SLC13A1: variants seen among roughly 807,000 people sequenced by gnomAD.
The protein encoded by SLC13A1 is Na(+)/sulfate cotransporter.
In SLC13A1, 65 loss-of-function variants were observed where a neutral mutation model predicts 70.0. The ratio of observed to expected loss-of-function variants is 0.93; its 90% CI spans 0.76 to 1.14. SLC13A1 has a LOEUF of 1.14. Among genes scored for constraint, SLC13A1 ranks in the 50% most tolerant of loss-of-function variants. The probability of loss-of-function intolerance (pLI) is 0.00; values close to 1 mark genes in which losing one functional copy is unlikely to be tolerated. For synonymous variants in SLC13A1, 275 were observed against 250.5 expected, an observed-to-expected ratio of 1.10 and a Z score of -0.92; for missense variants, 726 against 717.8, an observed-to-expected ratio of 1.01 and a Z score of -0.13.
intron 4 of SLC13A1, 42 bp downstream of exon 4, chr7:123,169,106 C>G (rs1164330364): frequency 6.3e-7 from 1 of 1,580,720 alleles, no homozygotes; most frequent in East Asian, 2.2e-5. Context: ...GTCTATTGCT[C>G]TAATGACTAG....
chr7:123,145,103 A>G (rs1794305069), intron 7 of SLC13A1, among the ~76,000 whole-genome samples: 1 of 152,196 alleles, frequency 6.6e-6, no homozygotes, highest in Non-Finnish European at 1.5e-5. Flanking sequence ...GATTTTTAAC[A>G]GCCATGGCAA....
intron 4 of SLC13A1, 94 bp downstream of exon 4, chr7:123,169,054 A>T: frequency 8.8e-7 from 1 of 1,138,670 alleles, no homozygotes; most frequent in Non-Finnish European, 1.3e-6. Flanking sequence ...ATGCATGTAT[A>T]GATGGTTAAT....
At chr7:123,123,296 T>A in intron 11 of SLC13A1, 61 bp from the exon 12 acceptor site, 1 of 1,056,952 alleles carries the variant, frequency 9.5e-7, no homozygotes, top group Non-Finnish European at 1.5e-6. Context: ...GACATTTGCT[T>A]CAGCATCCTA....
Position 123,117,520 on chromosome 7 carries a change from G to A in SLC13A1, c.1601C>T (p.Pro534Leu). The A allele has an allele frequency of 6.2e-7, 1 of 1,613,240 alleles. No individual in the cohort carries two copies. Among genetic ancestry groups the A allele is most frequent in the South Asian group, 1.1e-5 (1 of 91,040 alleles). The change falls in exon 14 of 15, where the codon CCA (proline) becomes CTA (leucine). Residue 534 changes from proline to leucine, a missense_variant. Pro to Leu is a moderately conservative substitution (Grantham distance 98). Coordinates refer to ENST00000194130, the MANE Select transcript of SLC13A1 (RefSeq NM_022444.4). ...SFAFLLPVANPPNAIVFSYGH... is the reference protein window; with the variant it reads ...SFAFLLPVANLPNAIVFSYGH... ...ATATGAAAAGACAATAGCATTGGGT[G>A]GATTTGCTACTGGTAGGAGGAATGC... is the stretch of plus-strand genomic sequence containing the variant.
Position 123,134,480 on chromosome 7 carries a change from A to G in SLC13A1, c.862T>C (p.Ser288Pro). The change falls in exon 8 of 15, where the codon TCC becomes CCC. Residue 288 changes from serine (S) to proline (P), a missense_variant. Transcript: ENST00000194130. ...AGAATGATAAGGGCAGCTGGGAAGG[A>G]AAACGTAAACCATGATCCAAAGTTG... ...CLNFGSWFTF[S>P]FPAALIILLL... The G allele has an allele frequency of 5.6e-6, 9 of 1,613,542 alleles. No individual in the cohort carries two copies. Among genetic ancestry groups the G allele is most frequent in the Non-Finnish European group, 7.6e-6 (9 of 1,179,578 alleles).
intron 1 of SLC13A1, among the ~76,000 whole-genome samples, chr7:123,191,067 T>C (rs1224243447): frequency 6.6e-6 from 1 of 152,212 alleles, no homozygotes; most frequent in African/African-American, 2.4e-5. Context: ...GTGGTAGCTT[T>C]ATTCTTGTGT....
At chr7:123,167,536 CTATTCCTAATGCCAT>C (rs1489720322) in intron 6 of SLC13A1, among the ~76,000 whole-genome samples, 5 of 152,102 alleles carry the variant, frequency 3.3e-5, no homozygotes, top group African/African-American at 1.2e-4. Context: ...TCCCACTTTC[CTATTCCTAATGCCAT>C]AGTTACTATA....
intron 6 of SLC13A1, among the ~76,000 whole-genome samples, chr7:123,167,137 G>A (rs890287587): frequency 2.0e-5 from 3 of 152,106 alleles, no homozygotes; most frequent in East Asian, 1.9e-4. Flanking sequence ...TCAGTGTGGC[G>A]ATTCCTCAGG....
At chr7:123,172,801 T>TA (rs1454049946) in intron 2 of SLC13A1, among the ~76,000 whole-genome samples, 4 of 152,050 alleles carry the variant, frequency 2.6e-5, no homozygotes, top group African/African-American at 7.2e-5. Flanking sequence ...TCTTTTTTTT[T>TA]AAAAGGGTTG....
intron 2 of SLC13A1, among the ~76,000 whole-genome samples, chr7:123,173,559 T>G (rs1326900176): frequency 7.5e-6 from 1 of 133,304 alleles, no homozygotes; most frequent in African/African-American, 2.8e-5. Context: ...ATATCAGGCC[T>G]TTCTAAATAG....
At chr7:123,128,420 C>T (rs544755242) in intron 10 of SLC13A1, among the ~76,000 whole-genome samples, 1 of 152,048 alleles carries the variant, frequency 6.6e-6, no homozygotes, top group Non-Finnish European at 1.5e-5. Context: ...CTCCATCTTA[C>T]AGATGAAGAC....
chr7:123,147,660 A>T (rs550416563), intron 6 of SLC13A1, among the ~76,000 whole-genome samples: 1 of 152,258 alleles, frequency 6.6e-6, no homozygotes, highest in Admixed American at 6.5e-5. Flanking sequence ...AATCTTCAGA[A>T]CTGCAAGAAA....
At chr7:123,159,834 C>T (rs1461302564) in intron 6 of SLC13A1, among the ~76,000 whole-genome samples, 1 of 151,964 alleles carries the variant, frequency 6.6e-6, no homozygotes, top group Non-Finnish European at 1.5e-5. Flanking sequence ...AGAGGTAAAA[C>T]TTTTCAAACA....
chr7:123,198,826 C>A (rs1225255991), intron 1 of SLC13A1, among the ~76,000 whole-genome samples: 1 of 152,022 alleles, frequency 6.6e-6, no homozygotes, highest in Non-Finnish European at 1.5e-5. Context: ...AGGGACTGTG[C>A]ATAATGGAGT....
intron 6 of SLC13A1, among the ~76,000 whole-genome samples, chr7:123,150,165 A>T (rs1009272813): frequency 6.6e-6 from 1 of 152,122 alleles, no homozygotes; most frequent in Non-Finnish European, 1.5e-5. Context: ...ACCTCTTTCC[A>T]CAAGGAAATA....
At chr7:123,173,985 T>TC (rs1259493237) in intron 2 of SLC13A1, among the ~76,000 whole-genome samples, 3 of 151,530 alleles carry the variant, frequency 2.0e-5, no homozygotes, top group Non-Finnish European at 2.9e-5. Context: ...TTTTTTTTTT[T>TC]TCTCCCTGGT....
At chr7:123,148,750 C>T (rs1794452172) in intron 6 of SLC13A1, among the ~76,000 whole-genome samples, 1 of 152,084 alleles carries the variant, frequency 6.6e-6, no homozygotes, top group African/African-American at 2.4e-5. Context: ...CTAGATCAGG[C>T]CTGCTTGAAA....
At chr7:123,194,606 A>G (rs762371188) in intron 1 of SLC13A1, among the ~76,000 whole-genome samples, 12 of 152,076 alleles carry the variant, frequency 7.9e-5, no homozygotes, top group Non-Finnish European at 1.5e-4. Flanking sequence ...AAAAACAAAC[A>G]GTCTATGAAA....
intron 8 of SLC13A1, among the ~76,000 whole-genome samples, chr7:123,132,095 T>G (rs1793784094): frequency 6.6e-6 from 1 of 152,198 alleles, no homozygotes; most frequent in Admixed American, 6.5e-5. Flanking sequence ...GCACTTAGTA[T>G]GCAGCTGGCC....
Sources: gnomAD v4.1 joint callset for allele counts (sites outside exome capture counted in the v4.1 genomes callset) on GRCh38, gnomAD v4.1.1 for gene constraint, MANE v1.5 for transcripts, NCBI Gene and HGNC (gene_info 2026-07-23, HGNC 2026-07-21) for gene names.